EVC2: variants seen among roughly 807,000 people sequenced by gnomAD.
EVC2 encodes EvC ciliary complex subunit 2.
EVC2 carries 148 observed loss-of-function variants against 149.3 expected under a neutral mutation model. The ratio of observed to expected loss-of-function variants is 0.99; its 90% CI spans 0.87 to 1.14. The LOEUF (loss-of-function observed/expected upper bound fraction) is 1.14. Ranked by LOEUF, EVC2 falls within the 50% of genes most tolerant of loss-of-function variation. EVC2 has a pLI of 0.00. For missense variants in EVC2, 1,854 were observed against 1,627.3 expected (o/e 1.14, Z -2.40); for synonymous variants, 776 against 649.9 (o/e 1.19, Z -2.95).
intron 16 of EVC2, among the ~76,000 whole-genome samples, chr4:5,599,416 T>C (rs897511796): frequency 6.6e-6 from 1 of 152,170 alleles, no homozygotes; most frequent in African/African-American, 2.4e-5. Context: ...TTCATGTCAT[T>C]TGTAGGGACA....
chr4:5,639,305 G>T (rs2108861675), intron 10 of EVC2, among the ~76,000 whole-genome samples: 1 of 152,336 alleles, frequency 6.6e-6, no homozygotes, highest in East Asian at 1.9e-4. Context: ...CAGGTCACAT[G>T]AAATGAATAA....
At chr4:5,586,407 C>T (rs921234377) in intron 16 of EVC2, among the ~76,000 whole-genome samples, 1 of 151,914 alleles carries the variant, frequency 6.6e-6, no homozygotes, top group African/African-American at 2.4e-5. Context: ...AAATTCTAAG[C>T]CCCCCCTCAA....
chr4:5,559,994 G>A (rs1721908525), downstream of EVC2, among the ~76,000 whole-genome samples: 1 of 151,992 alleles, frequency 6.6e-6, no homozygotes, highest in African/African-American at 2.4e-5. This position sits in a 1 kb window ranked among gnomAD's most constrained non-coding sequence, Gnocchi z 5.0. Context: ...CCCCTGCCAG[G>A]TTTGACCTCA....
chr4:5,623,589 C>T (rs1161158520), intron 13 of EVC2, among the ~76,000 whole-genome samples: 1 of 152,164 alleles, frequency 6.6e-6, no homozygotes, highest in Non-Finnish European at 1.5e-5. Context: ...ATCTACCCAC[C>T]TCGGCCTCCT....
At chr4:5,680,591 A>G (rs115435235) in intron 7 of EVC2, among the ~76,000 whole-genome samples, 17,036 of 152,196 alleles carry the variant, frequency 0.11, 1,082 homozygotes, top group South Asian at 0.21. Flanking sequence ...GGGGACCCTG[A>G]CATTCTAGCC....
chr4:5,560,244 G>A (rs1021399766), downstream of EVC2, among the ~76,000 whole-genome samples: 2 of 151,982 alleles, frequency 1.3e-5, no homozygotes, highest in Admixed American at 1.3e-4. This position sits in a 1 kb window ranked among gnomAD's most constrained non-coding sequence, Gnocchi z 4.1. Context: ...AGCCCTTCAA[G>A]AAAACAGCCT....
chr4:5,622,610 G>A lies in EVC2; in HGVS notation c.2428C>T (p.Leu810=). 3 of 1,613,942 alleles carry A rather than the reference G, an allele frequency of 1.9e-6. No individual in the cohort carries two copies. Among genetic ancestry groups the A allele is most frequent in the Non-Finnish European group, 2.5e-6 (3 of 1,179,990 alleles). ...QEGVQSVRQR[L]KDDAPEAVTE... The stretch of plus-strand genomic sequence containing the variant: ...ACGGCCTCAGGAGCGTCATCCTTCA[G>A]TCTCTGCCTCACGCTCTGGACACCC... The change falls in exon 14 of 22, where the codon CTG becomes TTG. Residue 810 remains leucine, a synonymous_variant. Transcript: ENST00000344408. The surrounding 1 kb of genome is among the most constrained non-coding windows in gnomAD (Gnocchi z 5.8).
chr4:5,632,116 C>T (rs1716587252), intron 10 of EVC2, 84 bp from the exon 11 acceptor site: 7 of 1,558,252 alleles, frequency 4.5e-6, no homozygotes, highest in Non-Finnish European at 6.1e-6. Context: ...TGTACAGGCA[C>T]ATGTGCACAC....
In EVC2 at chr4:5,613,072, A is replaced by G. The variant is rs1230490321; in HGVS notation, c.2829+2350T>C. On this transcript the variant is annotated intron_variant, in intron 16 of 21. Transcript: ENST00000344408. This position sits in a 1 kb window ranked among gnomAD's most constrained non-coding sequence, Gnocchi z 4.6. ...GGTGCGGTCTGCACCTGATGTCCCC[A>G]TGGGTTACCATCTCTGCATCACCTT... Among the ~76,000 whole-genome samples the G allele has an allele frequency of 6.6e-6, 1 of 151,992 alleles. No homozygotes were observed. Among genetic ancestry groups the G allele is most frequent in the Non-Finnish European group, 1.5e-5 (1 of 67,998 alleles).
At chr4:5,655,730 T>TAA (rs60423052) in intron 9 of EVC2, among the ~76,000 whole-genome samples, 1 of 67,612 alleles carries the variant, frequency 1.5e-5, no homozygotes. Flanking sequence ...AATCCACATG[T>TAA]AAAAAAAAAA....
At chr4:5,599,879 A>C (rs1031519288) in intron 16 of EVC2, among the ~76,000 whole-genome samples, 1 of 152,212 alleles carries the variant, frequency 6.6e-6, no homozygotes, top group South Asian at 2.1e-4. Flanking sequence ...TCAGGAGGAA[A>C]GTAGATTCAC....
chr4:5,687,088 C>T (rs1395920348), intron 5 of EVC2, among the ~76,000 whole-genome samples: 3 of 151,870 alleles, frequency 2.0e-5, no homozygotes, highest in African/African-American at 4.8e-5. Flanking sequence ...AAAATCCTGT[C>T]TCTACTAAAA....
At chr4:5,707,098 G>A (rs1395069998) in intron 1 of EVC2, among the ~76,000 whole-genome samples, 2 of 152,152 alleles carry the variant, frequency 1.3e-5, no homozygotes, top group Non-Finnish European at 2.9e-5. Flanking sequence ...GGGGGCCAGA[G>A]AGAGAGTACA....
chr4:5,632,100 G>A lies in EVC2; in HGVS notation c.1471-68C>T, dbSNP rs76589199. 19,596 of 1,597,580 alleles carry A rather than the reference G, an allele frequency of 0.012. 1,736 individuals are homozygous for A. The African/African-American group carries it at 0.21, about 17-fold the overall frequency. ...ACATGCACCTACATGTGCATGCAATGCAATGTGTACAGGCACATGTGCACA... is the reference window on the plus strand; with the variant it reads ...ACATGCACCTACATGTGCATGCAATACAATGTGTACAGGCACATGTGCACA... On this transcript the variant is annotated intron_variant, in intron 10 of 21. Transcript: ENST00000344408.
intron 16 of EVC2, among the ~76,000 whole-genome samples, chr4:5,593,834 G>A (rs1166625687): frequency 6.6e-6 from 1 of 152,202 alleles, no homozygotes; most frequent in Non-Finnish European, 1.5e-5. Flanking sequence ...AGGGGTGACA[G>A]ATGGCACCTG....
At chr4:5,603,980 A>T (rs1341745581) in intron 16 of EVC2, among the ~76,000 whole-genome samples, 1 of 152,212 alleles carries the variant, frequency 6.6e-6, no homozygotes, top group Admixed American at 6.5e-5. Flanking sequence ...AGGGATGGAC[A>T]TGGAGAGGCC....
chr4:5,695,327 G>A (rs1164000127), intron 2 of EVC2, among the ~76,000 whole-genome samples: 4 of 147,252 alleles, frequency 2.7e-5, no homozygotes, highest in Non-Finnish European at 4.5e-5. Context: ...CAGTCTGGGC[G>A]ACAGAGCAAG....
At chr4:5,538,691 T>C (rs1365345747), downstream of EVC2, among the ~76,000 whole-genome samples, 1 of 152,184 alleles carries the variant, frequency 6.6e-6, no homozygotes, top group Admixed American at 6.5e-5. Context: ...TCAATCAATA[T>C]AATTTACTCT....
Position 5,707,004 on chromosome 4 carries a change from G to A in EVC2, c.228+1282C>T, listed in dbSNP as rs1282649714. On this transcript the variant is annotated intron_variant, in intron 1 of 21. Transcript: ENST00000344408. ...ACCACTGTGGCTGACAGAGGCCAAT[G>A]TGCACCAGGATTTCTGACACTGGCT... 1.3e-5 allele frequency among the ~76,000 whole-genome samples: 2 copies of A among 152,292 alleles called. 1 individual carries two copies. Among genetic ancestry groups the A allele is most frequent in the South Asian group, 4.1e-4 (2 of 4,828 alleles).
Sources: allele counts gnomAD v4.1 joint callset (sites outside exome capture counted in the v4.1 genomes callset), GRCh38; gene constraint gnomAD v4.1.1; non-coding constraint Gnocchi (gnomAD v3.1); transcripts MANE v1.5; gene names NCBI Gene and HGNC (gene_info 2026-07-23, HGNC 2026-07-21).